Variants in SAMMSON observed in about 807,000 individuals in gnomAD.
SAMMSON encodes the protein survival associated mitochondrial melanoma specific oncogenic non-coding RNA.
chr3:70,211,097 A>C (rs1306611731), intron 4 of SAMMSON, among the ~76,000 whole-genome samples: 4 of 152,102 alleles, frequency 2.6e-5, no homozygotes, highest in Non-Finnish European at 5.9e-5. Context: ...TTCATAGATA[A>C]AAGCATTCAA....
chr3:70,093,240 G>T (rs1327291011), intron 4 of SAMMSON, among the ~76,000 whole-genome samples: 1 of 152,186 alleles, frequency 6.6e-6, no homozygotes, highest in Admixed American at 6.5e-5. Flanking sequence ...CACACTCAAT[G>T]TCAGGCAGTG....
chr3:70,359,416 T>C (rs1236263154), intron 9 of SAMMSON, among the ~76,000 whole-genome samples: 1 of 152,140 alleles, frequency 6.6e-6, no homozygotes. Flanking sequence ...CTGAAAACAA[T>C]TGACTATTAC....
intron 6 of SAMMSON, among the ~76,000 whole-genome samples, chr3:70,252,904 A>AC (rs1326461095): frequency 2.0e-5 from 3 of 151,834 alleles, no homozygotes; most frequent in African/African-American, 4.8e-5. Flanking sequence ...ACATCGTGAA[A>AC]CCCCCTCTCT....
chr3:70,170,380 G>A lies in SAMMSON; in HGVS notation n.508-78727G>A, dbSNP rs142257921. Among the ~76,000 whole-genome samples, 1,439 of 151,642 alleles carry A rather than the reference G, an allele frequency of 9.5e-3. 11 individuals carry two copies. Among genetic ancestry groups the A allele is most frequent in the Non-Finnish European group, 0.015 (1,011 of 67,784 alleles). The stretch of plus-strand genomic sequence containing the variant: ...AGAAGATTTGTGATATAATATAGAG[G>A]TTCCTGAATGTCTGGAATCTGGCGG... On this transcript the variant is annotated intron_variant and non_coding_transcript_variant, in intron 4 of 9. Coordinates refer to ENST00000642114, the Ensembl canonical transcript of SAMMSON.
At chr3:70,198,843 A>G (rs9873121) in intron 4 of SAMMSON, among the ~76,000 whole-genome samples, 19,864 of 152,162 alleles carry the variant, frequency 0.13, 1,613 homozygotes, top group African/African-American at 0.22. Context: ...CAACTCTCCC[A>G]TATCTCATAA....
At chr3:70,361,072 A>C (rs1702867407) in intron 9 of SAMMSON, among the ~76,000 whole-genome samples, 1 of 152,138 alleles carries the variant, frequency 6.6e-6, no homozygotes, top group Non-Finnish European at 1.5e-5. Flanking sequence ...CAGAGGCCCA[A>C]GGTCAGAGAG....
At chr3:70,128,521 A>T (rs2067468318) in intron 4 of SAMMSON, among the ~76,000 whole-genome samples, 1 of 152,242 alleles carries the variant, frequency 6.6e-6, no homozygotes, top group Non-Finnish European at 1.5e-5. Context: ...ATAATTCAAA[A>T]GACAATGATT....
At chr3:70,047,078 C>T (rs2067129506) in intron 3 of SAMMSON, among the ~76,000 whole-genome samples, 1 of 152,036 alleles carries the variant, frequency 6.6e-6, no homozygotes, top group African/African-American at 2.4e-5. Context: ...TTTGGATGTA[C>T]CATTGTTCTG....
intron 4 of SAMMSON, among the ~76,000 whole-genome samples, chr3:70,196,668 T>C (rs974896336): frequency 6.6e-6 from 1 of 152,174 alleles, no homozygotes; most frequent in Non-Finnish European, 1.5e-5. Context: ...ACCTACAGCA[T>C]TTAAGAGGTA....
At chr3:70,030,626 G>A (rs2067061192) in intron 3 of SAMMSON, 1 of 152,122 alleles carries the variant, frequency 6.6e-6, no homozygotes, top group Non-Finnish European at 1.5e-5. Flanking sequence ...GAACTCCATA[G>A]GTCTGTAAGT....
chr3:70,169,238 T>C (rs1306840234), intron 4 of SAMMSON, among the ~76,000 whole-genome samples: 1 of 152,058 alleles, frequency 6.6e-6, no homozygotes, highest in South Asian at 2.1e-4. Flanking sequence ...AGTTTTAAGA[T>C]GGAAAATATC....
chr3:70,153,607 C>G (rs2067580153), intron 4 of SAMMSON, among the ~76,000 whole-genome samples: 1 of 151,918 alleles, frequency 6.6e-6, no homozygotes, highest in Admixed American at 6.6e-5. Context: ...ATCTTGTAAT[C>G]AGGGAAAACT....
chr3:70,343,951 T>C (rs1702730832), intron 7 of SAMMSON, among the ~76,000 whole-genome samples: 1 of 151,514 alleles, frequency 6.6e-6, no homozygotes, highest in African/African-American at 2.4e-5. Flanking sequence ...ATTTTGTTGC[T>C]CAAATTGTTC....
At chr3:70,157,067 T>A (rs1259504511) in intron 4 of SAMMSON, among the ~76,000 whole-genome samples, 1 of 152,144 alleles carries the variant, frequency 6.6e-6, no homozygotes, top group Non-Finnish European at 1.5e-5. Context: ...AAAGATATAG[T>A]CATGGGCTTC....
chr3:70,014,711 T>G (rs1317277459), intron 3 of SAMMSON: 1 of 152,194 alleles, frequency 6.6e-6, no homozygotes, highest in Admixed American at 6.6e-5. Flanking sequence ...TCAAAGTAAC[T>G]TCTGGCTTTA....
chr3:70,427,693 G>A (rs188835503), intron 2 of SAMMSON, among the ~76,000 whole-genome samples: 1,631 of 149,424 alleles, frequency 0.011, 23 homozygotes, highest in Non-Finnish European at 0.015. Context: ...AGTCGAGATC[G>A]CGCCACTGCG....
At chr3:70,275,523 T>C (rs6549326) in intron 6 of SAMMSON, among the ~76,000 whole-genome samples, 151,594 of 152,234 alleles carry the variant, frequency 1, 75,485 homozygotes, top group East Asian at 1. Context: ...TCTCAAAAAA[T>C]AAAACAAAAC....
intron 4 of SAMMSON, among the ~76,000 whole-genome samples, chr3:70,082,274 C>T (rs1028103077): frequency 2.0e-5 from 3 of 152,106 alleles, no homozygotes; most frequent in African/African-American, 7.2e-5. Flanking sequence ...AGAGTCTAAA[C>T]AAATAATCCA....
intron 4 of SAMMSON, among the ~76,000 whole-genome samples, chr3:70,118,225 T>A (rs1163895339): frequency 6.6e-6 from 1 of 152,176 alleles, no homozygotes; most frequent in African/African-American, 2.4e-5. Context: ...CCTGGCCAGA[T>A]AATCTTTTTC....
Sources: allele counts gnomAD v4.1 joint callset (sites outside exome capture counted in the v4.1 genomes callset), GRCh38; gene constraint gnomAD v4.1.1; transcripts MANE v1.5; gene names NCBI Gene and HGNC (gene_info 2026-07-23, HGNC 2026-07-21).